SYT13: variants seen among roughly 807,000 people sequenced by gnomAD.
SYT13 encodes the protein synaptotagmin 13.
A neutral mutation model predicts 38.6 loss-of-function variants in SYT13; 21 were observed. The observed-to-expected ratio is 0.54, with a 90% CI of 0.39 to 0.78. The LOEUF (loss-of-function observed/expected upper bound fraction) is 0.78. Among genes scored for constraint, SYT13 ranks in the 30% least tolerant of loss-of-function variants. The pLI is 0.00. For missense variants in SYT13, 495 were observed against 548.7 expected, an observed-to-expected ratio of 0.90 and a Z score of 0.98; for synonymous variants, 241 against 237.6, an observed-to-expected ratio of 1.01 and a Z score of -0.13.
chr11:45,254,245 C>T, intron 3 of SYT13, 25 bp downstream of exon 3: 1 of 1,592,512 alleles, frequency 6.3e-7, no homozygotes, highest in African/African-American at 1.3e-5. Context: ...CACAGAAGCC[C>T]ACGAGAGTCA....
chr11:45,281,439 G>A (rs1237002759), intron 1 of SYT13, among the ~76,000 whole-genome samples: 9 of 152,070 alleles, frequency 5.9e-5, no homozygotes, highest in Non-Finnish European at 1.2e-4. Flanking sequence ...GCCGAGGTGG[G>A]AAGATGACAT....
At chr11:45,278,366 G>A (rs187844074) in intron 1 of SYT13, among the ~76,000 whole-genome samples, 8 of 152,230 alleles carry the variant, frequency 5.3e-5, no homozygotes, top group East Asian at 1.9e-4. Context: ...CCACATATTC[G>A]GATTGCTCTC....
At chr11:45,244,442 C>T (rs1171863178) in intron 5 of SYT13, 86 bp from the exon 6 acceptor site, 4 of 1,462,386 alleles carry the variant, frequency 2.7e-6, no homozygotes, top group East Asian at 2.3e-5. Flanking sequence ...GACAAAGCTC[C>T]CTCCTGGTGC....
chr11:45,263,032 TG>T lies in SYT13; in HGVS notation c.184-7142del, dbSNP rs571734044. Among the ~76,000 whole-genome samples, 23 of 152,234 alleles carry T rather than the reference TG, an allele frequency of 1.5e-4. No individual in the cohort carries two copies. In the South Asian group the frequency reaches 4.1e-3, roughly 27 times the overall value. ...TGGCAGTGACTCAGTAATGCCCCTG[TG>T]CTTGTCCTCTCTCCTCCCAGGCCCT... On this transcript the variant is annotated intron_variant, in intron 1 of 5. Coordinates refer to ENST00000020926, the MANE Select transcript of SYT13 (RefSeq NM_020826.3).
At chr11:45,281,941 G>A (rs1439698273) in intron 1 of SYT13, among the ~76,000 whole-genome samples, 1 of 152,214 alleles carries the variant, frequency 6.6e-6, no homozygotes, top group Admixed American at 6.5e-5. Context: ...GGGGAAAAGA[G>A]CAGTTCTCCT....
chr11:45,281,624 GC>G (rs2135912584), intron 1 of SYT13, among the ~76,000 whole-genome samples: 1 of 149,860 alleles, frequency 6.7e-6, no homozygotes, highest in East Asian at 2.0e-4. Context: ...CCGAGATCAT[GC>G]CACTGTACTC....
chr11:45,268,786 C>T (rs553608914), intron 1 of SYT13, among the ~76,000 whole-genome samples: 2 of 152,238 alleles, frequency 1.3e-5, no homozygotes, highest in Admixed American at 6.5e-5. Flanking sequence ...AAGGAGAAGC[C>T]AGTGGGGCTG....
intron 1 of SYT13, among the ~76,000 whole-genome samples, chr11:45,267,629 C>T (rs1282247135): frequency 2.0e-5 from 3 of 152,246 alleles, no homozygotes; most frequent in South Asian, 2.1e-4. Context: ...TCTCAGAGTC[C>T]GCTCAGCTCC....
chr11:45,286,124 G>T lies in SYT13; in HGVS notation c.84C>A (p.Cys28Ter). 1 of 1,600,574 alleles carries T rather than the reference G, an allele frequency of 6.2e-7. No individual in the cohort carries two copies. Among genetic ancestry groups the T allele is most frequent in the Non-Finnish European group, 8.5e-7 (1 of 1,175,902 alleles). Residue 28 changes from cysteine (C) to a stop codon, truncating the protein, a stop_gained, in exon 1 of 6, where the codon TGC becomes TGA. Coordinates refer to ENST00000020926, the MANE Select transcript of SYT13 (RefSeq NM_020826.3). LOFTEE classifies it high-confidence loss of function. ...TCTTGGGGTGCATGTGCCGACACAG[G>T]CAGGTGACCCCGCACAACGCGAGGA... ...TSILALCGVT[C>*]LCRHMHPKKG...
At chr11:45,251,304 G>T (rs979436680) in intron 4 of SYT13, among the ~76,000 whole-genome samples, 47 of 142,832 alleles carry the variant, frequency 3.3e-4, no homozygotes, top group Non-Finnish European at 7.1e-4. Flanking sequence ...CACGAGAATC[G>T]CTTGAACCCA....
chr11:45,262,721 T>TCA (rs71451610), intron 1 of SYT13, among the ~76,000 whole-genome samples: 2,987 of 78,194 alleles, frequency 0.038, 84 homozygotes, highest in East Asian at 0.16. Flanking sequence ...GGAGATCCTA[T>TCA]CACACACACA....
In SYT13 at chr11:45,249,010, A is replaced by C. The variant is rs377059270; in HGVS notation, c.847-2498T>G. Among the ~76,000 whole-genome samples the C allele has an allele frequency of 2.0e-4, 30 of 152,210 alleles. No homozygotes were observed. The East Asian group carries it at 5.8e-3, about 29-fold the overall frequency. On this transcript the variant is annotated intron_variant, in intron 4 of 5. Transcript: ENST00000020926. ...GTGAACCATGCAAGACTACCCTTGG[A>C]GGCTAATATCCAGAATCTACAAAGA...
At chr11:45,267,133 GA>G (rs1854892834) in intron 1 of SYT13, among the ~76,000 whole-genome samples, 1 of 152,212 alleles carries the variant, frequency 6.6e-6, no homozygotes, top group African/African-American at 2.4e-5. Flanking sequence ...TGAGTCCGTA[GA>G]GTTCAGTTCT....
intron 1 of SYT13, among the ~76,000 whole-genome samples, chr11:45,276,403 A>G (rs1428150555): frequency 6.6e-6 from 1 of 152,198 alleles, no homozygotes; most frequent in East Asian, 1.9e-4. Flanking sequence ...GGACACAGAG[A>G]GAGGAACATT....
intron 1 of SYT13, 29 bp downstream of exon 1, chr11:45,285,996 G>C (rs1171286333): frequency 3.1e-6 from 5 of 1,593,506 alleles, no homozygotes; most frequent in Non-Finnish European, 4.3e-6. Context: ...GCCTTGCCCG[G>C]GAAGGGCCTG....
chr11:45,276,246 G>A (rs1175953827), intron 1 of SYT13, among the ~76,000 whole-genome samples: 1 of 152,202 alleles, frequency 6.6e-6, no homozygotes, highest in Non-Finnish European at 1.5e-5. Flanking sequence ...GGAATACTAT[G>A]TAGCCATAAA....
At chr11:45,245,146 C>T (rs1854599220) in intron 5 of SYT13, among the ~76,000 whole-genome samples, 1 of 152,210 alleles carries the variant, frequency 6.6e-6, no homozygotes, top group African/African-American at 2.4e-5. Flanking sequence ...ACTGCCTGTT[C>T]CTGCACGCTC....
intron 1 of SYT13, among the ~76,000 whole-genome samples, chr11:45,267,719 C>T (rs1017549653): frequency 1.3e-5 from 2 of 152,116 alleles, no homozygotes; most frequent in Admixed American, 6.5e-5. Flanking sequence ...GTCTTGCCTG[C>T]TTGAAGAATT....
rs1854581149 is a variant in SYT13, at chr11:45,243,802, T to G, written c.*250A>C. 2.1e-6 allele frequency: 1 copy of G among 471,498 alleles called. No homozygotes were observed. The highest frequency in any genetic ancestry group is 3.7e-6 in the Non-Finnish European group (1 of 267,874). The allele number at this position is 471,498 out of a possible 1,614,324, so 29.2% of individuals were successfully genotyped here. A position where few individuals can be genotyped will look rare whatever the true frequency, so the allele number is the denominator to read the frequency against. ...CCACCTATAAAACAGGCATAGGAAC[T>G]GTATTTAATAAGCACCTCCTTCAAT... On this transcript the variant is annotated 3_prime_UTR_variant, in exon 6 of 6. Coordinates refer to ENST00000020926, the MANE Select transcript of SYT13 (RefSeq NM_020826.3).
Sources: allele counts gnomAD v4.1 joint callset (sites outside exome capture counted in the v4.1 genomes callset), GRCh38; gene constraint gnomAD v4.1.1; transcripts MANE v1.5; gene names NCBI Gene and HGNC (gene_info 2026-07-23, HGNC 2026-07-21).